Variants in IGSF11 observed in about 807,000 individuals in gnomAD.
IGSF11 encodes the protein CXADR like 1.
IGSF11 carries 22 observed loss-of-function variants against 41.0 expected under a neutral mutation model. The observed-to-expected ratio is 0.54, with a 90% CI of 0.38 to 0.77. The LOEUF is 0.77. Among genes scored for constraint, IGSF11 ranks in the 30% least tolerant of loss-of-function variants. IGSF11 has a pLI of 0.00. For synonymous variants in IGSF11, 219 were observed against 201.3 expected, an observed-to-expected ratio of 1.09 and a Z score of -0.74; for missense variants, 444 against 530.8, an observed-to-expected ratio of 0.84 and a Z score of 1.61.
At chr3:119,113,688 G>A (rs767120699) in intron 1 of IGSF11, among the ~76,000 whole-genome samples, 1 of 152,168 alleles carries the variant, frequency 6.6e-6, no homozygotes, top group African/African-American at 2.4e-5. Context: ...TACCATTCTG[G>A]GGTGTGGAGG....
At chr3:119,069,127 C>G (rs2107464012) in intron 1 of IGSF11, among the ~76,000 whole-genome samples, 1 of 151,910 alleles carries the variant, frequency 6.6e-6, no homozygotes, top group African/African-American at 2.4e-5. Context: ...CAGAGTTTCA[C>G]CGTGTTAGCC....
intron 4 of IGSF11, among the ~76,000 whole-genome samples, chr3:118,920,383 ATAT>A (rs1379645546): frequency 2.0e-5 from 3 of 151,848 alleles, no homozygotes; most frequent in African/African-American, 7.2e-5. Flanking sequence ...CTCCAATAAA[ATAT>A]TAGACATTGA....
chr3:119,045,416 C>T lies in IGSF11; in HGVS notation c.49+59728G>A, dbSNP rs543005549. On this transcript the variant is annotated intron_variant, in intron 1 of 6. Coordinates refer to the IGSF11 transcript ENST00000354673. ...CCTGGAAAATCGGGTCACTCCCACC[C>T]GAATACTGCGCTTTTGCGACGGGCT... Among the ~76,000 whole-genome samples the T allele has an allele frequency of 7.3e-3, 1,111 of 152,160 alleles. 9 individuals are homozygous for T. Among genetic ancestry groups the T allele is most frequent in the Admixed American group, 0.012 (181 of 15,284 alleles).
At chr3:119,122,688 C>T (rs949810073) in intron 1 of IGSF11, among the ~76,000 whole-genome samples, 2 of 152,182 alleles carry the variant, frequency 1.3e-5, no homozygotes, top group Non-Finnish European at 2.9e-5. Flanking sequence ...ATTTTGGGTA[C>T]CAGCTCAGAC....
chr3:119,004,122 T>C (rs1481818607), intron 1 of IGSF11, among the ~76,000 whole-genome samples: 2 of 149,614 alleles, frequency 1.3e-5, no homozygotes, highest in African/African-American at 5.0e-5. Context: ...AAACTATTGA[T>C]TATTGCCACA....
intron 1 of IGSF11, among the ~76,000 whole-genome samples, chr3:119,093,838 C>T (rs187129891): frequency 6.6e-6 from 1 of 151,948 alleles, no homozygotes; most frequent in East Asian, 1.9e-4. Flanking sequence ...GATAGTAGAC[C>T]CAAAAGAAGG....
At chr3:119,072,411 G>T (rs762162977) in intron 1 of IGSF11, among the ~76,000 whole-genome samples, 1 of 152,128 alleles carries the variant, frequency 6.6e-6, no homozygotes, top group African/African-American at 2.4e-5. Flanking sequence ...TTAAGAGTTA[G>T]GTTGTGTCCA....
upstream of IGSF11, among the ~76,000 whole-genome samples, chr3:119,106,397 AC>A (rs931611626): frequency 5.0e-4 from 76 of 152,036 alleles, 1 homozygote; most frequent in Middle Eastern, 3.4e-3. Context: ...CCATTTTTAT[AC>A]CCTCTATCTC....
At chr3:119,031,721 A>G (rs2107735192) in intron 1 of IGSF11, among the ~76,000 whole-genome samples, 1 of 152,360 alleles carries the variant, frequency 6.6e-6, no homozygotes, top group South Asian at 2.1e-4. Context: ...TTCATCCCGT[A>G]GCTGTCATCT....
chr3:119,143,908 GACTTT>G (rs1206747619), intron 1 of IGSF11, among the ~76,000 whole-genome samples: 1 of 152,076 alleles, frequency 6.6e-6, no homozygotes, highest in Non-Finnish European at 1.5e-5. Flanking sequence ...TAAACAAGAA[GACTTT>G]ATTTCTTCTT....
chr3:119,056,975 A>C (rs553334350), intron 1 of IGSF11, among the ~76,000 whole-genome samples: 4 of 152,314 alleles, frequency 2.6e-5, no homozygotes, highest in Admixed American at 2.6e-4. Context: ...ATATATCTCA[A>C]AATAATAAGA....
rs370055624 is a variant in IGSF11 at position 119,144,937 on chromosome 3, G to A, written c.-14+876C>T. 5.8e-4 allele frequency among the ~76,000 whole-genome samples: 88 copies of A among 152,186 alleles called. 1 individual carries two copies. Among genetic ancestry groups the A allele is most frequent in the Non-Finnish European group, 1.0e-3 (69 of 67,984 alleles). ...AACCAATAGCACTTTGAAGCTACAA[G>A]CCATAGCCCAAGACCTATTTTACTC... On this transcript the variant is annotated intron_variant, in intron 1 of 7. Transcript: ENST00000425327.
chr3:119,049,223 T>C (rs866302297), intron 1 of IGSF11, among the ~76,000 whole-genome samples: 3,725 of 151,380 alleles, frequency 0.025, 125 homozygotes, highest in African/African-American at 0.085. Context: ...TGTTTGCAGA[T>C]GACATGATTG....
At chr3:119,021,708 A>G (rs1286105294) in intron 1 of IGSF11, among the ~76,000 whole-genome samples, 1 of 152,210 alleles carries the variant, frequency 6.6e-6, no homozygotes, top group Non-Finnish European at 1.5e-5. Context: ...AGGTTGAAAT[A>G]TGAAAGGTAA....
chr3:119,083,259 A>G (rs2076613821), intron 1 of IGSF11, among the ~76,000 whole-genome samples: 1 of 151,560 alleles, frequency 6.6e-6, no homozygotes, highest in Non-Finnish European at 1.5e-5. Context: ...AGCTGGGACT[A>G]CAGGAACAAG....
intron 1 of IGSF11, among the ~76,000 whole-genome samples, chr3:119,050,768 T>A (rs1941588320): frequency 6.6e-6 from 1 of 151,682 alleles, no homozygotes; most frequent in Non-Finnish European, 1.5e-5. Flanking sequence ...AATGATAGAC[T>A]GGATTAAGAA....
chr3:118,920,637 A>AT (rs11386216), intron 4 of IGSF11, among the ~76,000 whole-genome samples: 46,360 of 151,998 alleles, frequency 0.31, 10,365 homozygotes, highest in African/African-American at 0.62. Flanking sequence ...ACACAGAGAA[A>AT]AACGAAATAT....
At chr3:118,935,677 C>T (rs1387503926) in intron 1 of IGSF11, among the ~76,000 whole-genome samples, 2 of 151,952 alleles carry the variant, frequency 1.3e-5, no homozygotes, top group Admixed American at 1.3e-4. Flanking sequence ...TGGAGGTGAA[C>T]ACACATGAAA....
intron 1 of IGSF11, among the ~76,000 whole-genome samples, chr3:119,101,378 G>T (rs914396702): frequency 1.3e-5 from 2 of 151,978 alleles, no homozygotes; most frequent in African/African-American, 2.4e-5. Context: ...GCGTGGTGGC[G>T]CATGTCTGTA....
Sources: allele counts gnomAD v4.1 joint callset (sites outside exome capture counted in the v4.1 genomes callset), GRCh38; gene constraint gnomAD v4.1.1; transcripts MANE v1.5; gene names NCBI Gene and HGNC (gene_info 2026-07-23, HGNC 2026-07-21).